The following PPM1H variants were observed in gnomAD, a reference collection of about 807,000 sequenced individuals.
PPM1H encodes protein phosphatase, Mg2+/Mn2+ dependent 1H, also known as protein phosphatase 1H.
PPM1H carries 27 observed loss-of-function variants against 54.9 expected under a neutral mutation model. The observed-to-expected ratio is 0.49, with a 90% CI of 0.36 to 0.68. The LOEUF is 0.68. Ranked by LOEUF, PPM1H falls within the 30% of genes least tolerant of loss-of-function variation. PPM1H has a pLI of 0.00. For synonymous variants in PPM1H, 305 were observed against 270.8 expected (o/e 1.13, Z -1.24); for missense variants, 596 against 667.8 (o/e 0.89, Z 1.19).
At chr12:62,699,345 C>T (rs978608681) in intron 6 of PPM1H, among the ~76,000 whole-genome samples, 12 of 151,978 alleles carry the variant, frequency 7.9e-5, no homozygotes, top group African/African-American at 2.2e-4. Context: ...TACAGGCGTG[C>T]GCCACTACCC....
At chr12:62,676,198 G>A (rs1043285949) in intron 8 of PPM1H, among the ~76,000 whole-genome samples, 2 of 152,200 alleles carry the variant, frequency 1.3e-5, no homozygotes, top group Non-Finnish European at 1.5e-5. Context: ...GCTTGAAGGT[G>A]CTGCTTCACA....
intron 1 of PPM1H, among the ~76,000 whole-genome samples, chr12:62,899,969 T>C (rs1206092970): frequency 6.6e-6 from 1 of 152,168 alleles, no homozygotes; most frequent in Non-Finnish European, 1.5e-5. Flanking sequence ...CTTCACCCTC[T>C]TTCAGCCATG....
intron 4 of PPM1H, among the ~76,000 whole-genome samples, chr12:62,746,488 C>T (rs375031993): frequency 3.3e-5 from 5 of 152,190 alleles, no homozygotes; most frequent in Admixed American, 2.0e-4. Context: ...CCTACCACCA[C>T]GGACTGCCAG....
chr12:62,869,613 A>C (rs530522769), intron 1 of PPM1H, among the ~76,000 whole-genome samples: 63 of 152,260 alleles, frequency 4.1e-4, no homozygotes, highest in Non-Finnish European at 8.7e-4. Context: ...CTCTCTGTGG[A>C]TATTCTAACT....
rs2076126064 is a variant in PPM1H, at chr12:62,698,555, TC to T, written c.1074-4557del. ...GCACTGAATACTGTGGTGGTGGCCC[TC>T]TAGGGTCTTTCTGGTTGGCCAGTGT... On this transcript the variant is annotated intron_variant, in intron 6 of 9. Transcript: ENST00000228705. 2.0e-5 allele frequency among the ~76,000 whole-genome samples: 3 copies of T among 152,232 alleles called. 1 individual carries two copies. In the East Asian group the frequency reaches 5.8e-4, roughly 29 times the overall value.
At chr12:62,747,124 T>A (rs1250284902) in intron 4 of PPM1H, among the ~76,000 whole-genome samples, 1 of 133,938 alleles carries the variant, frequency 7.5e-6, no homozygotes, top group Non-Finnish European at 1.6e-5. Context: ...GTTAATTTTT[T>A]AAAAAAGGTT....
intron 4 of PPM1H, among the ~76,000 whole-genome samples, chr12:62,761,605 T>C (rs1236655644): frequency 1.3e-5 from 2 of 152,186 alleles, no homozygotes; most frequent in African/African-American, 4.8e-5. Context: ...TAGGCCTGTT[T>C]AGTGCTTCTC....
Position 62,693,961 on chromosome 12 carries a change from G to C in PPM1H, c.1112C>G (p.Pro371Arg). Reference sequence around the variant, plus strand: ...CTTCTTGCCTTCTCCATATATAAGGGGGAACTTCAAGTCCTCATCCTCAAT... The same window carrying C: ...CTTCTTGCCTTCTCCATATATAAGGCGGAACTTCAAGTCCTCATCCTCAAT... ...KTIEDEDLKF[P>R]LIYGEGKKAR... The change falls in exon 7 of 10, where the codon CCC becomes CGC. Residue 371 changes from proline to arginine, a missense_variant. Pro to Arg is a moderately radical substitution (Grantham distance 103, BLOSUM62 -2). This residue lies in a region of PPM1H where 208 missense variants were observed against 259.5 expected (regional missense o/e 0.80). Coordinates refer to ENST00000228705, the MANE Select transcript of PPM1H (RefSeq NM_020700.2). The C allele has an allele frequency of 6.2e-7, 1 of 1,613,100 alleles. No individual in the cohort carries two copies. The highest frequency in any genetic ancestry group is 2.2e-5 in the East Asian group (1 of 44,854).
At chr12:62,905,877 C>T (rs545663570) in intron 1 of PPM1H, among the ~76,000 whole-genome samples, 1 of 152,052 alleles carries the variant, frequency 6.6e-6, no homozygotes, top group Non-Finnish European at 1.5e-5. Context: ...TATGATGATG[C>T]AAAGAACCAG....
chr12:62,831,635 A>C (rs1868358008), intron 2 of PPM1H, among the ~76,000 whole-genome samples: 1 of 151,690 alleles, frequency 6.6e-6, no homozygotes, highest in African/African-American at 2.4e-5. Flanking sequence ...ACCCCTCATG[A>C]GAGGCTTTCG....
chr12:62,679,026 C>T (rs982308766), intron 8 of PPM1H, among the ~76,000 whole-genome samples: 2 of 152,026 alleles, frequency 1.3e-5, no homozygotes, highest in Admixed American at 6.6e-5. Context: ...CTCGCTCTGT[C>T]GCCAGGCTGG....
intron 2 of PPM1H, among the ~76,000 whole-genome samples, chr12:62,804,057 T>C (rs1255941650): frequency 1.3e-5 from 2 of 152,212 alleles, no homozygotes; most frequent in East Asian, 3.8e-4. Flanking sequence ...CTTTAGCTCA[T>C]ATCATATTTC....
intron 6 of PPM1H, among the ~76,000 whole-genome samples, chr12:62,694,832 C>G (rs1282345198): frequency 6.6e-6 from 1 of 152,190 alleles, no homozygotes; most frequent in Non-Finnish European, 1.5e-5. Flanking sequence ...AGAGCCTGCA[C>G]TTAGTAAGAG....
intron 1 of PPM1H, among the ~76,000 whole-genome samples, chr12:62,846,983 C>T (rs752709707): frequency 3.3e-5 from 5 of 152,154 alleles, no homozygotes; most frequent in Non-Finnish European, 7.3e-5. Flanking sequence ...TTTTTATCTG[C>T]CCAGACTCCC....
intron 1 of PPM1H, among the ~76,000 whole-genome samples, chr12:62,871,220 A>C (rs1869965384): frequency 1.3e-5 from 2 of 152,224 alleles, no homozygotes; most frequent in African/African-American, 4.8e-5. Flanking sequence ...ATAAAAAGGA[A>C]GTACAGATCC....
intron 5 of PPM1H, among the ~76,000 whole-genome samples, chr12:62,733,276 T>C (rs1592569031): frequency 6.6e-6 from 1 of 152,232 alleles, no homozygotes; most frequent in South Asian, 2.1e-4. Flanking sequence ...CCTGCCAAGA[T>C]GGAGTCTTGC....
chr12:62,748,702 C>T (rs762582598), intron 4 of PPM1H, among the ~76,000 whole-genome samples: 6 of 152,206 alleles, frequency 3.9e-5, no homozygotes, highest in Non-Finnish European at 5.9e-5. Context: ...GTCAAGCCCT[C>T]CTCCAGCTCA....
chr12:62,845,734 T>C (rs1868940513), intron 1 of PPM1H, among the ~76,000 whole-genome samples: 1 of 152,192 alleles, frequency 6.6e-6, no homozygotes, highest in South Asian at 2.1e-4. Context: ...GCCAAAATCA[T>C]ATCTACAGTA....
At chr12:62,650,863 T>C (rs2075812324) in intron 9 of PPM1H, among the ~76,000 whole-genome samples, 1 of 152,018 alleles carries the variant, frequency 6.6e-6, no homozygotes. Context: ...TCCTGACATG[T>C]AGGGATTACA....
Sources: gnomAD v4.1 joint callset for allele counts (sites outside exome capture counted in the v4.1 genomes callset) on GRCh38, gnomAD v4.1.1 for gene constraint, gnomAD v4.1.1 regional missense constraint, MANE v1.5 for transcripts, NCBI Gene and HGNC (gene_info 2026-07-23, HGNC 2026-07-21) for gene names.